L3MBTL4: variants seen among roughly 807,000 people sequenced by gnomAD.
L3MBTL4 encodes L3MBTL histone methyl-lysine binding protein 4.
L3MBTL4 carries 70 observed loss-of-function variants against 84.5 expected under a neutral mutation model. That is an observed-to-expected ratio of 0.83 (90% CI 0.68 to 1.01). The LOEUF is 1.01. Among genes scored for constraint, L3MBTL4 ranks in the 50% least tolerant of loss-of-function variants. The probability of loss-of-function intolerance (pLI) is 0.00; values close to 1 mark genes in which losing one functional copy is unlikely to be tolerated. For synonymous variants in L3MBTL4, 274 were observed against 259.8 expected (o/e 1.05, Z -0.52); for missense variants, 715 against 754.8 (o/e 0.95, Z 0.62).
chr18:6,215,338 T>C (rs1221956446), intron 11 of L3MBTL4, among the ~76,000 whole-genome samples: 1 of 152,188 alleles, frequency 6.6e-6, no homozygotes. Flanking sequence ...CCTCAAAATA[T>C]ATAACATTAT....
chr18:6,232,988 A>G (rs997604898), intron 10 of L3MBTL4, among the ~76,000 whole-genome samples: 2 of 152,186 alleles, frequency 1.3e-5, no homozygotes, highest in African/African-American at 4.8e-5. Context: ...AGTGGGCTTC[A>G]TCCCTGGGAT....
chr18:6,256,714 G>A (rs1599364400), intron 5 of L3MBTL4: 2 of 152,226 alleles, frequency 1.3e-5, no homozygotes, highest in Admixed American at 6.5e-5. Flanking sequence ...AGGCAGGAGA[G>A]AGGAGGCTGG....
chr18:6,306,368 C>A (rs1365092889), intron 3 of L3MBTL4, among the ~76,000 whole-genome samples: 2 of 152,136 alleles, frequency 1.3e-5, no homozygotes, highest in African/African-American at 4.8e-5. Flanking sequence ...CAAATGAAAT[C>A]TCTCTAAAGT....
At chr18:6,101,836 A>G (rs1009361669) in intron 14 of L3MBTL4, among the ~76,000 whole-genome samples, 3 of 152,210 alleles carry the variant, frequency 2.0e-5, no homozygotes, top group Non-Finnish European at 2.9e-5. Context: ...CAGAAGAAGG[A>G]GCCATTATTT....
chr18:6,003,024 TATCTCTATTTATA>T (rs2054284591), intron 16 of L3MBTL4, among the ~76,000 whole-genome samples: 1 of 119,102 alleles, frequency 8.4e-6, no homozygotes, highest in African/African-American at 3.3e-5. Context: ...ATGCAAAAAG[TATCTCTATTTATA>T]GAGATACTAT....
chr18:6,168,310 A>C (rs549405861), intron 13 of L3MBTL4, among the ~76,000 whole-genome samples: 21 of 152,274 alleles, frequency 1.4e-4, no homozygotes, highest in Admixed American at 3.9e-4. Context: ...CTTCTTCACA[A>C]AATTGGAAAA....
intron 16 of L3MBTL4, among the ~76,000 whole-genome samples, chr18:5,971,184 A>T (rs2052624456): frequency 6.6e-6 from 1 of 152,236 alleles, no homozygotes; most frequent in African/African-American, 2.4e-5. Context: ...ATGTTGGCAA[A>T]TGTGAATGTT....
intron 16 of L3MBTL4, among the ~76,000 whole-genome samples, chr18:5,977,858 G>A (rs1396700694): frequency 3.9e-5 from 6 of 152,056 alleles, no homozygotes; most frequent in Non-Finnish European, 7.4e-5. Flanking sequence ...CTCAGCCCAG[G>A]AGGAGGTAAG....
intron 1 of L3MBTL4, among the ~76,000 whole-genome samples, chr18:6,386,668 A>C (rs2054833126): frequency 6.6e-6 from 1 of 152,150 alleles, no homozygotes; most frequent in Non-Finnish European, 1.5e-5. Flanking sequence ...GAGTGTTCCC[A>C]GTAAGGAGAA....
intron 7 of L3MBTL4, 77 bp from the exon 8 acceptor site, chr18:6,241,526 A>G: frequency 7.4e-6 from 6 of 806,524 alleles, no homozygotes; most frequent in Non-Finnish European, 1.2e-5. Flanking sequence ...GTTGGTGCAA[A>G]AGTAAGTGCG....
At chr18:6,092,578 G>C (rs1042051721) in intron 15 of L3MBTL4, among the ~76,000 whole-genome samples, 9 of 152,198 alleles carry the variant, frequency 5.9e-5, no homozygotes, top group African/African-American at 2.2e-4. Context: ...GCAGGGTCAG[G>C]AAAACACCCA....
intron 18 of L3MBTL4, among the ~76,000 whole-genome samples, chr18:5,959,087 G>A (rs2095249105): frequency 6.6e-6 from 1 of 152,182 alleles, no homozygotes; most frequent in African/African-American, 2.4e-5. Flanking sequence ...CCTCTACTGT[G>A]CTCGGAGGGG....
At chr18:6,079,270 C>T (rs117947233) in intron 16 of L3MBTL4, among the ~76,000 whole-genome samples, 1,943 of 152,268 alleles carry the variant, frequency 0.013, 22 homozygotes, top group Non-Finnish European at 0.016. Context: ...TGAACCCCAC[C>T]TGCACTTCCC....
chr18:6,110,464 T>C (rs1480083878), intron 14 of L3MBTL4, among the ~76,000 whole-genome samples: 2 of 151,726 alleles, frequency 1.3e-5, no homozygotes, highest in East Asian at 3.9e-4. Flanking sequence ...GGGGGTTGTA[T>C]GTGTGGCATG....
chr18:6,378,679 T>C (rs532219444), intron 1 of L3MBTL4, among the ~76,000 whole-genome samples: 2 of 152,220 alleles, frequency 1.3e-5, no homozygotes, highest in Non-Finnish European at 2.9e-5. Flanking sequence ...TTGGTCTATA[T>C]GTCTGTTTTG....
At chr18:6,180,416 C>T (rs1324413030) in intron 12 of L3MBTL4, among the ~76,000 whole-genome samples, 1 of 152,074 alleles carries the variant, frequency 6.6e-6, no homozygotes, top group Non-Finnish European at 1.5e-5. Context: ...TTGGAACCGG[C>T]TGCCCCTAGG....
intron 12 of L3MBTL4, among the ~76,000 whole-genome samples, chr18:6,207,033 C>A (rs971557525): frequency 3.3e-5 from 5 of 152,174 alleles, no homozygotes; most frequent in African/African-American, 1.2e-4. Context: ...CCCTTATTAC[C>A]ACCTGTTTCT....
chr18:6,008,252 C>T (rs2054578194), intron 16 of L3MBTL4, among the ~76,000 whole-genome samples: 1 of 152,134 alleles, frequency 6.6e-6, no homozygotes, highest in Non-Finnish European at 1.5e-5. Flanking sequence ...TAACTACAGA[C>T]CCCACTCTTC....
intron 14 of L3MBTL4, among the ~76,000 whole-genome samples, chr18:6,107,947 A>T (rs1466420053): frequency 6.6e-6 from 1 of 152,196 alleles, no homozygotes; most frequent in Admixed American, 6.5e-5. Context: ...CCAAGTGACA[A>T]GTGAGAAACA....
Sources: allele counts gnomAD v4.1 joint callset (sites outside exome capture counted in the v4.1 genomes callset), GRCh38; gene constraint gnomAD v4.1.1; transcripts MANE v1.5; gene names NCBI Gene and HGNC (gene_info 2026-07-23, HGNC 2026-07-21).